The following PHACTR4 variants were observed in gnomAD, a reference collection of about 807,000 sequenced individuals.
PHACTR4 encodes phosphatase and actin regulator 4.
PHACTR4 carries 51 observed loss-of-function variants against 72.7 expected under a neutral mutation model. The observed-to-expected ratio is 0.70, with a 90% CI of 0.56 to 0.89. The LOEUF (loss-of-function observed/expected upper bound fraction) is 0.89, where lower values mean the gene tolerates loss of function less well. Among genes scored for constraint, PHACTR4 ranks in the 40% least tolerant of loss-of-function variants. The pLI is 0.00. For missense variants in PHACTR4, 731 were observed against 861.8 expected (o/e 0.85, Z 1.90); for synonymous variants, 255 against 302.5 (o/e 0.84, Z 1.63).
intron 1 of PHACTR4, among the ~76,000 whole-genome samples, chr1:28,395,413 G>T (rs4908421): frequency 0.39 from 58,583 of 151,796 alleles, 12,998 homozygotes; most frequent in African/African-American, 0.6. Context: ...TATTTTCTGG[G>T]ATAATTTGGA....
At chr1:28,469,835 C>G (rs1176103044) in intron 6 of PHACTR4, among the ~76,000 whole-genome samples, 1 of 152,062 alleles carries the variant, frequency 6.6e-6, no homozygotes, top group South Asian at 2.1e-4. Context: ...GTGGGCAGAT[C>G]GCTTGAGGCC....
At chr1:28,403,941 T>C (rs932726649) in intron 1 of PHACTR4, among the ~76,000 whole-genome samples, 1 of 152,216 alleles carries the variant, frequency 6.6e-6, no homozygotes. Flanking sequence ...TCCCGTTGTA[T>C]TAATTTTGTT....
At chr1:28,480,717 G>T (rs1660227556) in intron 9 of PHACTR4, 113 bp downstream of exon 9, 4 of 1,373,492 alleles carry the variant, frequency 2.9e-6, no homozygotes, top group Non-Finnish European at 4.0e-6. Flanking sequence ...CTGAGACAGG[G>T]TCTTGCTCTG....
intron 1 of PHACTR4, among the ~76,000 whole-genome samples, chr1:28,398,676 G>A (rs1037405831): frequency 4.6e-5 from 7 of 151,856 alleles, no homozygotes; most frequent in Non-Finnish European, 7.4e-5. Flanking sequence ...AAAATTAGCC[G>A]GGCGTGGGGG....
chr1:28,444,939 A>G (rs889232820), intron 2 of PHACTR4, among the ~76,000 whole-genome samples: 20 of 136,954 alleles, frequency 1.5e-4, no homozygotes, highest in Admixed American at 5.9e-4. Flanking sequence ...CCATTTTTAT[A>G]TTATTTAACT....
intron 1 of PHACTR4, among the ~76,000 whole-genome samples, chr1:28,370,717 T>C (rs1252945511): frequency 6.6e-6 from 1 of 151,860 alleles, no homozygotes; most frequent in Non-Finnish European, 1.5e-5. Flanking sequence ...AAGGAAAAAG[T>C]CCTTCAGTGG....
intron 2 of PHACTR4, among the ~76,000 whole-genome samples, chr1:28,426,752 T>C (rs1283116402): frequency 6.6e-6 from 1 of 151,146 alleles, no homozygotes; most frequent in Non-Finnish European, 1.5e-5. Context: ...AGACAAGATC[T>C]GCCCCCACTG....
At chr1:28,395,971 T>C (rs1019385363) in intron 1 of PHACTR4, among the ~76,000 whole-genome samples, 9 of 149,246 alleles carry the variant, frequency 6.0e-5, no homozygotes, top group African/African-American at 2.3e-4. Flanking sequence ...GCCAACTTTT[T>C]TTTTTTTGAA....
At chr1:28,447,337 A>C (rs147612989) in intron 2 of PHACTR4, among the ~76,000 whole-genome samples, 1 of 151,940 alleles carries the variant, frequency 6.6e-6, no homozygotes, top group African/African-American at 2.4e-5. Context: ...TAGCAATGCA[A>C]GAATGGACTA....
intron 1 of PHACTR4, among the ~76,000 whole-genome samples, chr1:28,374,804 A>C (rs2124101869): frequency 6.6e-6 from 1 of 152,344 alleles, no homozygotes; most frequent in Non-Finnish European, 1.5e-5. Flanking sequence ...ACAGTAAATA[A>C]GCACTAAATA....
chr1:28,424,874 A>G (rs961333281), intron 2 of PHACTR4, among the ~76,000 whole-genome samples: 2 of 151,594 alleles, frequency 1.3e-5, no homozygotes, highest in African/African-American at 4.9e-5. Context: ...GCTCACTGCA[A>G]CCTCTTCCTC....
chr1:28,414,282 T>A (rs1328571792), intron 2 of PHACTR4, among the ~76,000 whole-genome samples: 1 of 152,100 alleles, frequency 6.6e-6, no homozygotes, highest in Non-Finnish European at 1.5e-5. Flanking sequence ...GCTAGGCTGG[T>A]CTCGAACTCC....
intron 2 of PHACTR4, among the ~76,000 whole-genome samples, chr1:28,420,501 T>C (rs1414304398): frequency 6.6e-6 from 1 of 152,166 alleles, no homozygotes; most frequent in Non-Finnish European, 1.5e-5. Flanking sequence ...CATGCTGAAC[T>C]GTGAGTCAAT....
rs372208039 is a variant in PHACTR4 at position 28,489,173 on chromosome 1, A to T, written c.1764A>T (p.Arg588=). 579 of 1,611,594 alleles carry T rather than the reference A, an allele frequency of 3.6e-4. No homozygotes were observed. Among genetic ancestry groups the T allele is most frequent in the Non-Finnish European group, 4.8e-4 (570 of 1,178,612 alleles). The change falls in exon 10 of 14, where the codon CGA becomes CGT. Residue 588 remains arginine (R), a synonymous_variant. Transcript: ENST00000373839. ...RHQIGNTLIR[R]LSQRPTPEEL... ...CCTTTATTTATCTCATTTTTAGGCG[A>T]CTGAGTCAAAGACCAACACCAGAAG...
At position 28,480,466 on chromosome 1, in the gene PHACTR4, A is replaced by C; in HGVS notation, c.1622A>C (p.Lys541Thr). The C allele has an allele frequency of 6.2e-7, 1 of 1,614,072 alleles. No homozygotes were observed. Among genetic ancestry groups the C allele is most frequent in the Non-Finnish European group, 8.5e-7 (1 of 1,179,986 alleles). ...GTGTGCAAAGGTGCTCTCGCCAACA[A>C]AGTGAAGAGGAAAGACACACTGGCA... is the stretch of plus-strand genomic sequence containing the variant. Reference protein sequence around the residue: ...DESYQSALANKVKRKDTLAMK... With the variant: ...DESYQSALANTVKRKDTLAMK... The change falls in exon 9 of 14, where the codon AAA (lysine) becomes ACA (threonine). Residue 541 changes from lysine to threonine, a missense_variant. Physicochemically the swap from Lys to Thr is moderately conservative, Grantham distance 78. Coordinates refer to ENST00000373839, the MANE Select transcript of PHACTR4 (RefSeq NM_001048183.3).
intron 2 of PHACTR4, among the ~76,000 whole-genome samples, chr1:28,425,033 TC>T (rs1655751201): frequency 6.6e-6 from 1 of 152,128 alleles, no homozygotes; most frequent in African/African-American, 2.4e-5. Flanking sequence ...CCTTAGGTGA[TC>T]CACCTTCCTT....
Position 28,496,620 on chromosome 1 carries a change from A to T in PHACTR4, c.*71A>T. The T allele has an allele frequency of 6.4e-7, 1 of 1,555,222 alleles. No homozygotes were observed. The highest frequency in any genetic ancestry group is 1.1e-5 in the South Asian group (1 of 89,900). ...CTTCTCCAAAGTGACATATGGAGGGAACTTTAGCACTTCCCAGCACAGCCA... is the reference window on the plus strand; with the variant it reads ...CTTCTCCAAAGTGACATATGGAGGGTACTTTAGCACTTCCCAGCACAGCCA... On this transcript the variant is annotated 3_prime_UTR_variant, in exon 14 of 14. Coordinates refer to ENST00000373839, the MANE Select transcript of PHACTR4 (RefSeq NM_001048183.3).
intron 1 of PHACTR4, among the ~76,000 whole-genome samples, chr1:28,404,548 G>T (rs1654188320): frequency 6.6e-6 from 1 of 152,070 alleles, no homozygotes; most frequent in South Asian, 2.1e-4. Flanking sequence ...CTCCCAAAGT[G>T]CTGGGATTAC....
At chr1:28,489,375 C>T in intron 10 of PHACTR4, 150 bp downstream of exon 10, 2 of 628,402 alleles carry the variant, frequency 3.2e-6, no homozygotes, top group South Asian at 4.0e-5. Flanking sequence ...CATGAAGGAA[C>T]AGAGCTTACC....
Sources: gnomAD v4.1 joint callset for allele counts (sites outside exome capture counted in the v4.1 genomes callset) on GRCh38, gnomAD v4.1.1 for gene constraint, MANE v1.5 for transcripts, NCBI Gene and HGNC (gene_info 2026-07-23, HGNC 2026-07-21) for gene names.